ALK: variants seen among roughly 807,000 people sequenced by gnomAD.
The protein encoded by ALK is ALK receptor tyrosine kinase.
A neutral mutation model predicts 163.1 loss-of-function variants in ALK; 74 were observed. That is an observed-to-expected ratio of 0.45 (90% CI 0.38 to 0.55). ALK has a LOEUF of 0.55. Among genes scored for constraint, ALK ranks in the 20% least tolerant of loss-of-function variants. The pLI, the probability that ALK is intolerant of heterozygous loss-of-function variation, is 0.00. For missense variants in ALK, 2,063 were observed against 2,105.3 expected (o/e 0.98, Z 0.39); for synonymous variants, 960 against 843.2 (o/e 1.14, Z -2.40).
At chr2:29,351,454 G>C (rs1881427) in intron 5 of ALK, among the ~76,000 whole-genome samples, 138,188 of 152,148 alleles carry the variant, frequency 0.91, 62,804 homozygotes, top group East Asian at 1. Context: ...TCCCTTCATT[G>C]TCCAGGGACC....
chr2:29,511,970 T>C (rs1406264211), intron 4 of ALK, among the ~76,000 whole-genome samples: 1 of 152,198 alleles, frequency 6.6e-6, no homozygotes. Context: ...TTTTCAGATG[T>C]AAGTATAGCT....
At chr2:29,584,115 G>C (rs1171804275) in intron 3 of ALK, among the ~76,000 whole-genome samples, 1 of 151,660 alleles carries the variant, frequency 6.6e-6, no homozygotes, top group Admixed American at 6.6e-5. Flanking sequence ...AAATACCCAG[G>C]CTGCTAAAAA....
intron 1 of ALK, among the ~76,000 whole-genome samples, chr2:29,848,767 C>A (rs192548490): frequency 1.3e-5 from 2 of 152,104 alleles, no homozygotes; most frequent in East Asian, 3.9e-4. Flanking sequence ...ACATATCCTG[C>A]GGGCTGTTGG....
At chr2:29,778,084 T>C (rs1041625273) in intron 1 of ALK, among the ~76,000 whole-genome samples, 63 of 152,206 alleles carry the variant, frequency 4.1e-4, no homozygotes, top group African/African-American at 1.4e-3. Flanking sequence ...CTACAGCGGG[T>C]CTTCAATAGC....
intron 1 of ALK, among the ~76,000 whole-genome samples, chr2:29,858,410 T>A (rs1352730196): frequency 6.6e-6 from 1 of 151,930 alleles, no homozygotes. Context: ...GCACAGCATC[T>A]CCTATGCTCT....
intron 23 of ALK, 75 bp from the exon 24 acceptor site, chr2:29,214,156 C>T: frequency 1.5e-6 from 2 of 1,298,246 alleles, no homozygotes; most frequent in Middle Eastern, 2.2e-4. Flanking sequence ...TGCTGGCTTC[C>T]AGTGCTCACA....
At chr2:29,457,055 A>T (rs1670974602) in intron 4 of ALK, among the ~76,000 whole-genome samples, 1 of 152,272 alleles carries the variant, frequency 6.6e-6, no homozygotes, top group East Asian at 1.9e-4. Flanking sequence ...TATGCCTTAA[A>T]AACAAACAGC....
intron 1 of ALK, among the ~76,000 whole-genome samples, chr2:29,884,867 T>G (rs1381229003): frequency 6.6e-6 from 1 of 152,156 alleles, no homozygotes; most frequent in Non-Finnish European, 1.5e-5. Context: ...TAATGCAGAT[T>G]AAAGTACCCT....
At chr2:29,913,864 G>T (rs4350702) in intron 1 of ALK, among the ~76,000 whole-genome samples, 126,137 of 151,556 alleles carry the variant, frequency 0.83, 52,933 homozygotes, top group Non-Finnish European at 0.89. Context: ...TGGCAATGAA[G>T]GGTGATGCTG....
At chr2:29,413,916 C>T (rs918595192) in intron 4 of ALK, among the ~76,000 whole-genome samples, 6 of 152,204 alleles carry the variant, frequency 3.9e-5, no homozygotes, top group Non-Finnish European at 7.3e-5. Flanking sequence ...CCACCCACCT[C>T]GACCTCCCAA....
intron 5 of ALK, among the ~76,000 whole-genome samples, chr2:29,351,398 G>C (rs1668108052): frequency 1.3e-5 from 2 of 152,134 alleles, no homozygotes; most frequent in African/African-American, 4.8e-5. Flanking sequence ...TAATGACACA[G>C]GGGAGGCATC....
At chr2:29,445,491 T>G (rs1202625501) in intron 4 of ALK, among the ~76,000 whole-genome samples, 1 of 152,188 alleles carries the variant, frequency 6.6e-6, no homozygotes, top group Non-Finnish European at 1.5e-5. Flanking sequence ...AGTGGCAGTG[T>G]GGTGTCTGAA....
chr2:29,383,524 C>T (rs530127179), intron 5 of ALK, among the ~76,000 whole-genome samples: 8 of 152,240 alleles, frequency 5.3e-5, no homozygotes, highest in African/African-American at 1.7e-4. Context: ...GCCATGTTGG[C>T]CAGGCTGGTC....
At chr2:29,695,060 G>A (rs770168286) in intron 2 of ALK, 46 bp from the exon 3 acceptor site, 34 of 1,612,236 alleles carry the variant, frequency 2.1e-5, no homozygotes, top group Non-Finnish European at 2.6e-5. Context: ...TTTCCCAAAC[G>A]TGACTTTTCA....
At chr2:29,466,878 A>C (rs1486768836) in intron 4 of ALK, among the ~76,000 whole-genome samples, 1 of 152,210 alleles carries the variant, frequency 6.6e-6, no homozygotes, top group Non-Finnish European at 1.5e-5. Context: ...TACATCTGAT[A>C]ATTTGTGTTT....
rs2148141757 is a variant in ALK, at chr2:29,196,791, C to T, written c.4143G>A (p.Glu1381=). The T allele has an allele frequency of 9.9e-6, 16 of 1,614,078 alleles. No homozygotes were observed. Among genetic ancestry groups the T allele is most frequent in the Non-Finnish European group, 1.4e-5 (16 of 1,179,898 alleles). The change falls in exon 28 of 29, where the codon GAG becomes GAA. Residue 1381 remains glutamate, a synonymous_variant. Transcript: ENST00000389048. ...TTACCTGGGTGCAGTATTCAATCCT[C>T]TCCAAAATGATGGCAAAGTTGGGCC... ...EDRPNFAIIL[E]RIEYCTQDPD... is the part of the protein sequence containing the mutation.
chr2:29,447,911 T>C (rs1670726273), intron 4 of ALK, among the ~76,000 whole-genome samples: 2 of 152,206 alleles, frequency 1.3e-5, no homozygotes, highest in Non-Finnish European at 2.9e-5. Flanking sequence ...GAGAAAGGGA[T>C]GTTGCCTTTG....
chr2:29,726,447 C>A (rs1357017661), intron 1 of ALK, among the ~76,000 whole-genome samples: 1 of 152,184 alleles, frequency 6.6e-6, no homozygotes, highest in East Asian at 1.9e-4. Flanking sequence ...AAAGACAGGG[C>A]AGCCTGGAAA....
At chr2:29,656,141 C>T (rs1677179021) in intron 3 of ALK, among the ~76,000 whole-genome samples, 1 of 152,002 alleles carries the variant, frequency 6.6e-6, no homozygotes, top group African/African-American at 2.4e-5. Flanking sequence ...TGGGACTGTA[C>T]ACTACAAAGG....
Sources: gnomAD v4.1 joint callset for allele counts (sites outside exome capture counted in the v4.1 genomes callset) on GRCh38, gnomAD v4.1.1 for gene constraint, MANE v1.5 for transcripts, NCBI Gene and HGNC (gene_info 2026-07-23, HGNC 2026-07-21) for gene names.